DNAAF4: variants seen among roughly 807,000 people sequenced by gnomAD.
DNAAF4 encodes the protein dynein axonemal assembly factor 4, also known as dynein assembly factor 4, axonemal.
DNAAF4 carries 43 observed loss-of-function variants against 51.8 expected under a neutral mutation model. The ratio of observed to expected loss-of-function variants is 0.83; its 90% CI spans 0.65 to 1.07. The LOEUF (loss-of-function observed/expected upper bound fraction) is 1.07. DNAAF4 is among the 50% of genes least tolerant of loss of function. The pLI is 0.00. For synonymous variants in DNAAF4, 194 were observed against 165.6 expected, an observed-to-expected ratio of 1.17 and a Z score of -1.32; for missense variants, 581 against 493.0, an observed-to-expected ratio of 1.18 and a Z score of -1.69.
chr15:55,481,973 C>G (rs1399861593), intron 4 of DNAAF4, among the ~76,000 whole-genome samples: 5 of 152,132 alleles, frequency 3.3e-5, no homozygotes. Context: ...TAAACGGTAC[C>G]CAGGAATGCT....
chr15:55,453,349 C>A (rs2141469047), intron 5 of DNAAF4, among the ~76,000 whole-genome samples: 1 of 152,110 alleles, frequency 6.6e-6, no homozygotes, highest in East Asian at 1.9e-4. Flanking sequence ...CAAGAGGAAA[C>A]AATCCAGTAT....
chr15:55,442,726 AC>A, intron 6 of DNAAF4: 1 of 1,547,058 alleles, frequency 6.5e-7, no homozygotes, highest in Non-Finnish European at 8.9e-7. Context: ...ATTACTGGAA[AC>A]AAAAAATTTC....
At chr15:55,455,824 G>A (rs1475356540) in intron 5 of DNAAF4, among the ~76,000 whole-genome samples, 1 of 152,000 alleles carries the variant, frequency 6.6e-6, no homozygotes, top group African/African-American at 2.4e-5. Context: ...ATGCAGACCA[G>A]ATCTGGGTTC....
At chr15:55,452,113 TG>T (rs2057942210) in intron 5 of DNAAF4, among the ~76,000 whole-genome samples, 1 of 150,770 alleles carries the variant, frequency 6.6e-6, no homozygotes, top group African/African-American at 2.4e-5. Context: ...TCAGGGGTGG[TG>T]GCAGGCACCT....
downstream of DNAAF4, among the ~76,000 whole-genome samples, chr15:55,425,978 G>C (rs1207847613): frequency 1.3e-5 from 2 of 152,222 alleles, no homozygotes; most frequent in Non-Finnish European, 2.9e-5. Flanking sequence ...CAGGAGACCA[G>C]CGTTTTATTA....
At chr15:55,438,035 C>T (rs774460622) in intron 7 of DNAAF4, among the ~76,000 whole-genome samples, 6 of 152,136 alleles carry the variant, frequency 3.9e-5, no homozygotes, top group Non-Finnish European at 7.3e-5. Context: ...CACAAATTGC[C>T]ACTCAGAATA....
chr15:55,474,628 G>A (rs913075739), intron 4 of DNAAF4, among the ~76,000 whole-genome samples: 7 of 152,270 alleles, frequency 4.6e-5, no homozygotes, highest in Non-Finnish European at 7.4e-5. Flanking sequence ...CAATGGAAAC[G>A]TTAATTTCAT....
chr15:55,484,487 GAAA>G (rs781426367), intron 4 of DNAAF4, among the ~76,000 whole-genome samples: 3 of 104,592 alleles, frequency 2.9e-5, no homozygotes, highest in Admixed American at 1.1e-4. Flanking sequence ...TCCGTCTCAG[GAAA>G]AAAAAAAAAA....
intron 6 of DNAAF4, among the ~76,000 whole-genome samples, chr15:55,449,023 T>C: frequency 6.6e-6 from 1 of 151,334 alleles, no homozygotes; most frequent in African/African-American, 2.4e-5. Context: ...AGAGTTTCAC[T>C]CTTTCACCCA....
chr15:55,456,162 C>T (rs1234161814), intron 5 of DNAAF4, among the ~76,000 whole-genome samples: 1 of 151,690 alleles, frequency 6.6e-6, no homozygotes, highest in Non-Finnish European at 1.5e-5. Flanking sequence ...TCACTGCAAC[C>T]TCCACCTCCC....
chr15:55,506,930 ATC>A (rs1226571141), intron 1 of DNAAF4, among the ~76,000 whole-genome samples: 2 of 152,040 alleles, frequency 1.3e-5, no homozygotes, highest in East Asian at 3.9e-4. Context: ...GCTCACTGCA[ATC>A]TCTGCCTCCC....
chr15:55,501,104 A>T (rs1161479262), intron 1 of DNAAF4, among the ~76,000 whole-genome samples: 1 of 149,994 alleles, frequency 6.7e-6, no homozygotes, highest in African/African-American at 2.4e-5. Context: ...TCACTCTCTC[A>T]CCAGGCTGGA....
intron 6 of DNAAF4, among the ~76,000 whole-genome samples, chr15:55,440,197 C>A (rs1385541364): frequency 6.6e-6 from 1 of 151,620 alleles, no homozygotes; most frequent in Non-Finnish European, 1.5e-5. Context: ...GGATTACAGG[C>A]GTGTGCCACC....
chr15:55,442,488 T>G (rs776249027), intron 6 of DNAAF4: 1 of 707,156 alleles, frequency 1.4e-6, no homozygotes, highest in East Asian at 2.5e-5. Context: ...AACTGAATCC[T>G]CCTTGTATTC....
intron 7 of DNAAF4, among the ~76,000 whole-genome samples, chr15:55,419,723 G>A (rs913994249): frequency 6.6e-6 from 1 of 152,116 alleles, no homozygotes; most frequent in East Asian, 1.9e-4. Context: ...TTGGCCGGGT[G>A]CGGTGGCTCA....
intron 1 of DNAAF4, among the ~76,000 whole-genome samples, chr15:55,503,940 G>C (rs1377829659): frequency 6.6e-6 from 1 of 152,210 alleles, no homozygotes; most frequent in African/African-American, 2.4e-5. Flanking sequence ...TCAGGCAAGA[G>C]AAAGCAATAT....
At chr15:55,452,244 T>TAAAAAAAAA (rs57692277) in intron 5 of DNAAF4, among the ~76,000 whole-genome samples, 4 of 53,620 alleles carry the variant, frequency 7.5e-5, no homozygotes, top group Admixed American at 3.5e-4. Flanking sequence ...CATGTCTCAC[T>TAAAAAAAAA]AAAAAAAAAA....
chr15:55,451,069 C>T (rs766377090), intron 5 of DNAAF4, among the ~76,000 whole-genome samples: 1 of 152,198 alleles, frequency 6.6e-6, no homozygotes, highest in Non-Finnish European at 1.5e-5. Flanking sequence ...ACACTCCAGC[C>T]TGGGCAACAG....
In DNAAF4 at chr15:55,467,077, C is replaced by A; in HGVS notation, c.490G>T (p.Glu164Ter). The change falls in exon 5 of 10, where the codon GAA becomes TAA. Residue 164 changes from glutamate to a stop codon, truncating the protein, a stop_gained. Transcript: ENST00000321149. LOFTEE classifies it high-confidence loss of function. Reference protein sequence around the residue: ...KATKALEAWKEYQRKAEEQKK... With the variant: ...KATKALEAWK ...TGCTCCTCAGCTTTTCTTTGATATT[C>A]TTTCCAGGCTTCCAATGCTTTAGTG... is the stretch of plus-strand genomic sequence containing the variant. 6.5e-7 allele frequency: 1 copy of A among 1,548,702 alleles called. No homozygotes were observed. Among genetic ancestry groups the A allele is most frequent in the South Asian group, 1.2e-5 (1 of 82,052 alleles).
Sources: allele counts gnomAD v4.1 joint callset (sites outside exome capture counted in the v4.1 genomes callset), GRCh38; gene constraint gnomAD v4.1.1; transcripts MANE v1.5; gene names NCBI Gene and HGNC (gene_info 2026-07-23, HGNC 2026-07-21).